Variants in MCC observed in about 807,000 individuals in gnomAD.
The protein encoded by MCC is colorectal mutant cancer protein.
A neutral mutation model predicts 116.2 loss-of-function variants in MCC; 90 were observed. The observed-to-expected ratio is 0.77, with a 90% CI of 0.65 to 0.92. The LOEUF is 0.92. MCC is among the 40% of genes least tolerant of loss of function. The pLI is 0.00. For missense variants in MCC, 1,516 were observed against 1,312.2 expected, an observed-to-expected ratio of 1.16 and a Z score of -2.40; for synonymous variants, 578 against 510.5, an observed-to-expected ratio of 1.13 and a Z score of -1.78.
chr5:113,156,356 T>C (rs1760169958), intron 3 of MCC, among the ~76,000 whole-genome samples: 1 of 152,178 alleles, frequency 6.6e-6, no homozygotes, highest in Non-Finnish European at 1.5e-5. Flanking sequence ...AGACAAATGA[T>C]GGCATCCAGA....
intron 14 of MCC, among the ~76,000 whole-genome samples, chr5:113,055,449 G>A (rs76892308): frequency 2.4e-3 from 363 of 152,298 alleles, no homozygotes; most frequent in Admixed American, 3.6e-3. Flanking sequence ...CAAGGCTTCC[G>A]GGGAGAGAAA....
chr5:113,295,563 T>TGAAAGATGTCAGATAGGCTCCTCAA (rs1232997052), intron 3 of MCC, among the ~76,000 whole-genome samples: 1 of 152,006 alleles, frequency 6.6e-6, no homozygotes, highest in Non-Finnish European at 1.5e-5. Flanking sequence ...CCCCAGACCT[T>TGAAAGATGTCAGATAGGCTCCTCAA]CCTTAATTGA....
At chr5:113,127,305 T>A (rs901734643) in intron 5 of MCC, among the ~76,000 whole-genome samples, 9 of 152,252 alleles carry the variant, frequency 5.9e-5, no homozygotes, top group Non-Finnish European at 7.3e-5. Flanking sequence ...AGTGCTGCAA[T>A]GAACGTTTGC....
rs573534256 is a variant in MCC, at chr5:113,048,078, C to T, written c.2655+1015G>A. Among the ~76,000 whole-genome samples the T allele has an allele frequency of 1.4e-4, 21 of 152,294 alleles. No homozygotes were observed. The South Asian group carries it at 3.1e-3, about 23-fold the overall frequency. On this transcript the variant is annotated intron_variant, in intron 16 of 18. Coordinates refer to ENST00000408903, the MANE Select transcript of MCC (RefSeq NM_001085377.2). ...GGATCTGGGCTAAATCCCAATTCTA[C>T]CATTTATCAGCAGTGAGACTCCTCA...
chr5:113,142,597 A>G (rs1759242645), intron 5 of MCC, among the ~76,000 whole-genome samples: 1 of 147,232 alleles, frequency 6.8e-6, no homozygotes, highest in Admixed American at 6.6e-5. Flanking sequence ...ACTACAAGGC[A>G]GTCACTCTCT....
intron 3 of MCC, chr5:113,294,297 A>C (rs1473067384): frequency 6.2e-6 from 10 of 1,613,202 alleles, no homozygotes; most frequent in Non-Finnish European, 7.6e-6. Context: ...ACGCCCGAGA[A>C]ACCCTAGCTC....
chr5:113,413,718 A>G (rs1019641498), intron 1 of MCC, among the ~76,000 whole-genome samples: 2 of 152,074 alleles, frequency 1.3e-5, no homozygotes, highest in Middle Eastern at 3.2e-3. Flanking sequence ...TTTTCAAAAA[A>G]CCAGCTCTTG....
intron 5 of MCC, among the ~76,000 whole-genome samples, chr5:113,134,955 T>TC (rs1758720053): frequency 6.6e-6 from 1 of 151,058 alleles, no homozygotes; most frequent in Non-Finnish European, 1.5e-5. Context: ...TTTTTTTTTT[T>TC]TTTTTAAACA....
At chr5:113,097,001 G>T (rs6874220) in intron 8 of MCC, among the ~76,000 whole-genome samples, 69,254 of 151,934 alleles carry the variant, frequency 0.46, 17,354 homozygotes, top group African/African-American at 0.68. Context: ...ACAGGACTTG[G>T]TTTTACAGAA....
intron 3 of MCC, among the ~76,000 whole-genome samples, chr5:113,295,559 A>AAAGATGTCGATAGGCTCCCCAACCC (rs1554074775): frequency 1.0e-4 from 15 of 145,594 alleles, no homozygotes; most frequent in Non-Finnish European, 1.7e-4. Flanking sequence ...CAACCCCCAG[A>AAAGATGTCGATAGGCTCCCCAACCC]CCTTCCTTAA....
At chr5:113,082,748 T>TA in intron 11 of MCC, 112 bp downstream of exon 11, 1 of 1,318,294 alleles carries the variant, frequency 7.6e-7, no homozygotes. Context: ...AGCCTGACGG[T>TA]ACTGCTCTAT....
chr5:113,294,554 A>G (rs1766646942), intron 3 of MCC: 2 of 1,367,374 alleles, frequency 1.5e-6, no homozygotes, highest in Non-Finnish European at 1.9e-6. Flanking sequence ...AGGCACTCTT[A>G]AAAAGAGCAG....
chr5:113,486,618 C>T (rs935048137), intron 1 of MCC, among the ~76,000 whole-genome samples: 2 of 152,046 alleles, frequency 1.3e-5, no homozygotes, highest in African/African-American at 2.4e-5. Context: ...CCGAGGCGGG[C>T]GGATCACTTA....
intron 3 of MCC, among the ~76,000 whole-genome samples, chr5:113,256,531 G>C (rs1393079241): frequency 6.6e-6 from 1 of 152,136 alleles, no homozygotes; most frequent in African/African-American, 2.4e-5. Context: ...GTATGCAAAG[G>C]TCTAGAAGCA....
intron 2 of MCC, among the ~76,000 whole-genome samples, chr5:113,383,181 C>T (rs1180807153): frequency 3.3e-5 from 5 of 152,078 alleles, no homozygotes; most frequent in Non-Finnish European, 4.4e-5. Context: ...TATTTTGATA[C>T]ACATTTACAC....
intron 3 of MCC, among the ~76,000 whole-genome samples, chr5:113,331,225 A>C (rs1054058918): frequency 3.3e-5 from 5 of 151,934 alleles, no homozygotes; most frequent in South Asian, 2.1e-4. Flanking sequence ...AACGATCTGT[A>C]CTGTGGTGTT....
intron 3 of MCC, among the ~76,000 whole-genome samples, chr5:113,327,561 A>AAAAATATATATATATATATAT (rs1480996383): frequency 1.2e-5 from 1 of 80,582 alleles, no homozygotes; most frequent in Non-Finnish European, 2.5e-5. Flanking sequence ...AAAAAAAAAA[A>AAAAATATATATATATATATAT]ATATATATAT....
intron 3 of MCC, among the ~76,000 whole-genome samples, chr5:113,318,962 G>C (rs1460651116): frequency 6.6e-6 from 1 of 152,110 alleles, no homozygotes; most frequent in Non-Finnish European, 1.5e-5. Context: ...CACCTCCTGG[G>C]CTCAAGTGAT....
chr5:113,380,812 G>T (rs1769100418), intron 2 of MCC, among the ~76,000 whole-genome samples: 1 of 152,190 alleles, frequency 6.6e-6, no homozygotes. Context: ...CCTAGTAAAG[G>T]CTCAGAGACA....
Sources: gnomAD v4.1 joint callset for allele counts (sites outside exome capture counted in the v4.1 genomes callset) on GRCh38, gnomAD v4.1.1 for gene constraint, MANE v1.5 for transcripts, NCBI Gene and HGNC (gene_info 2026-07-23, HGNC 2026-07-21) for gene names.